ARL13B: variants seen among roughly 807,000 people sequenced by gnomAD.
The protein encoded by ARL13B is ADP-ribosylation factor-like protein 13B.
ARL13B carries 36 observed loss-of-function variants against 56.1 expected under a neutral mutation model. The observed-to-expected ratio is 0.64, with a 90% CI of 0.49 to 0.85. The LOEUF (loss-of-function observed/expected upper bound fraction) is 0.85. Ranked by LOEUF, ARL13B falls within the 40% of genes least tolerant of loss-of-function variation. The probability of loss-of-function intolerance (pLI) is 0.00; values close to 1 mark genes in which losing one functional copy is unlikely to be tolerated. For missense variants in ARL13B, 519 were observed against 507.1 expected, an observed-to-expected ratio of 1.02 and a Z score of -0.23; for synonymous variants, 178 against 171.1, an observed-to-expected ratio of 1.04 and a Z score of -0.32.
chr3:94,009,072 T>TA (rs1553834428), intron 3 of ARL13B, among the ~76,000 whole-genome samples: 2 of 100,488 alleles, frequency 2.0e-5, no homozygotes, highest in African/African-American at 3.8e-5. Flanking sequence ...CAAGGAGCAG[T>TA]AAAGATAGAT....
chr3:93,997,142 T>C (rs1335637231), intron 2 of ARL13B, among the ~76,000 whole-genome samples: 1 of 151,814 alleles, frequency 6.6e-6, no homozygotes, highest in East Asian at 1.9e-4. Flanking sequence ...TTATGGTGAG[T>C]TGTATAATTA....
At chr3:94,045,304 T>C (rs2076961956) in intron 7 of ARL13B, among the ~76,000 whole-genome samples, 1 of 151,972 alleles carries the variant, frequency 6.6e-6, no homozygotes, top group Non-Finnish European at 1.5e-5. Context: ...ACACAAACAC[T>C]GCGGAAGGCT....
chr3:93,991,280 T>C (rs1450578380), intron 1 of ARL13B, among the ~76,000 whole-genome samples: 1 of 152,212 alleles, frequency 6.6e-6, no homozygotes, highest in Admixed American at 6.5e-5. Context: ...CTAAAAGATA[T>C]TGGCAATCTT....
chr3:93,984,966 C>T (rs1710377422), intron 1 of ARL13B, among the ~76,000 whole-genome samples: 2 of 152,100 alleles, frequency 1.3e-5, no homozygotes, highest in African/African-American at 2.4e-5. Flanking sequence ...GCCCAGGTTG[C>T]CCCACTGCAG....
intron 1 of ARL13B, among the ~76,000 whole-genome samples, chr3:93,986,705 G>A (rs1326123162): frequency 6.6e-6 from 1 of 151,994 alleles, no homozygotes; most frequent in Non-Finnish European, 1.5e-5. Flanking sequence ...ATGATGGCTC[G>A]CACCTGTAAT....
At chr3:93,991,552 A>G (rs2107360192) in intron 1 of ARL13B, among the ~76,000 whole-genome samples, 1 of 152,206 alleles carries the variant, frequency 6.6e-6, no homozygotes, top group South Asian at 2.1e-4. Context: ...TTTTTTAAAA[A>G]AGTTGTTGTG....
chr3:94,011,282 A>G (rs1345851972), intron 3 of ARL13B, among the ~76,000 whole-genome samples: 1 of 152,136 alleles, frequency 6.6e-6, no homozygotes, highest in Non-Finnish European at 1.5e-5. Flanking sequence ...CTGTGCTAGC[A>G]CACAAATGCT....
rs1220528242 is a variant in ARL13B at position 93,980,450 on chromosome 3, C to A, written c.27C>A (p.Cys9Ter). The part of the protein sequence containing the change: MFSLMASC[C>*]GWFKRWREPV... ...TGTTCAGTCTGATGGCCAGTTGCTG[C>A]GGCTGGTTCAAGCGGTGGCGGGAGC... The change falls in exon 1 of 10, where the codon TGC becomes TGA. Residue 9 changes from cysteine (C) to a stop codon, truncating the protein, a stop_gained. Coordinates refer to ENST00000394222, the MANE Select transcript of ARL13B (RefSeq NM_001174150.2). LOFTEE classifies it high-confidence loss of function. 1 of 1,612,534 alleles carries A rather than the reference C, an allele frequency of 6.2e-7. No homozygotes were observed. The highest frequency in any genetic ancestry group is 1.7e-5 in the Admixed American group (1 of 60,036).
intron 8 of ARL13B, among the ~76,000 whole-genome samples, 183 bp from the exon 9 acceptor site, chr3:94,050,641 A>C (rs948775672): frequency 1.3e-5 from 2 of 152,232 alleles, no homozygotes; most frequent in Non-Finnish European, 2.9e-5. Flanking sequence ...TTAGCAGCCT[A>C]TAATTACATT....
chr3:93,980,315 A>G lies in ARL13B; in HGVS notation c.-109A>G. ...ACTTCCCTCCCGGCTTTTCCTCCCG[A>G]CTTATCCACTTTAGGGGCGTCTCGG... On this transcript the variant is annotated 5_prime_UTR_variant, in exon 1 of 10. Transcript: ENST00000394222. 3 of 1,440,998 alleles carry G rather than the reference A, an allele frequency of 2.1e-6. No homozygotes were observed. Among genetic ancestry groups the G allele is most frequent in the Non-Finnish European group, 2.9e-6 (3 of 1,036,190 alleles). 89.3% of individuals were successfully genotyped at this position (1,440,998 alleles called of 1,614,324 possible). A position where few individuals can be genotyped will look rare whatever the true frequency, so the allele number is the denominator to read the frequency against.
intron 3 of ARL13B, among the ~76,000 whole-genome samples, chr3:94,030,617 A>G (rs902472888): frequency 3.3e-5 from 5 of 152,152 alleles, no homozygotes; most frequent in African/African-American, 1.2e-4. Context: ...AAATGAACCT[A>G]GGTATATATC....
At chr3:94,011,076 A>G (rs903403781) in intron 3 of ARL13B, among the ~76,000 whole-genome samples, 6 of 152,114 alleles carry the variant, frequency 3.9e-5, no homozygotes, top group African/African-American at 1.4e-4. Context: ...GATGCTTGAT[A>G]ATTGACACCA....
intron 3 of ARL13B, among the ~76,000 whole-genome samples, chr3:94,018,033 T>C (rs546741625): frequency 6.6e-6 from 1 of 152,272 alleles, no homozygotes; most frequent in East Asian, 1.9e-4. Context: ...TGACATGATT[T>C]GTATATATTT....
intron 3 of ARL13B, among the ~76,000 whole-genome samples, chr3:94,031,682 TGAATA>T (rs2076679338): frequency 6.6e-6 from 1 of 152,138 alleles, no homozygotes; most frequent in Admixed American, 6.6e-5. Context: ...CCAAAAAGCC[TGAATA>T]GCCAAAGCAG....
intron 6 of ARL13B, among the ~76,000 whole-genome samples, chr3:94,041,508 A>G (rs2076861429): frequency 6.6e-6 from 1 of 152,192 alleles, no homozygotes. Flanking sequence ...ATTTCAAAGC[A>G]GGACAAGCAA....
In ARL13B at chr3:94,015,934, T is replaced by C. The variant is rs2076324931; in HGVS notation, c.380+12026T>C. Among the ~76,000 whole-genome samples, 5 of 152,270 alleles carry C rather than the reference T, an allele frequency of 3.3e-5. No homozygotes were observed. The South Asian group carries it at 8.3e-4, about 25-fold the overall frequency. ...TTCTTAGCATTCTTTTGCAAAGATA[T>C]CCAGACTGTCTTAGAACAAAATTTA... On this transcript the variant is annotated intron_variant, in intron 3 of 9. Coordinates refer to ENST00000394222, the MANE Select transcript of ARL13B (RefSeq NM_001174150.2).
At position 94,053,724 on chromosome 3, in the gene ARL13B, A is replaced by G; in HGVS notation, c.*461A>G. 1 of 306,256 alleles carries G rather than the reference A, an allele frequency of 3.3e-6. No individual in the cohort carries two copies. Among genetic ancestry groups the G allele is most frequent in the Non-Finnish European group, 6.3e-6 (1 of 157,718 alleles). 19.0% of individuals were successfully genotyped at this position (306,256 alleles called of 1,614,324 possible). ...TAAAACTATTTTTATATTTTTTTAA[A>G]TCTTTAAAAATTTTAATTACTGTGA... On this transcript the variant is annotated 3_prime_UTR_variant, in exon 10 of 10. Transcript: ENST00000394222.
At chr3:94,032,362 C>T (rs2076690757) in intron 3 of ARL13B, among the ~76,000 whole-genome samples, 1 of 152,208 alleles carries the variant, frequency 6.6e-6, no homozygotes, top group African/African-American at 2.4e-5. Context: ...CCATCTCACA[C>T]CAGTCAGAAT....
At position 93,980,437 on chromosome 3, in the gene ARL13B, T is replaced by A. The variant is rs2107299202; in HGVS notation, c.14T>A (p.Met5Lys). ...GAGCGACCCGGGATGTTCAGTCTGATGGCCAGTTGCTGCGGCTGGTTCAAG... is the reference window on the plus strand; with the variant it reads ...GAGCGACCCGGGATGTTCAGTCTGAAGGCCAGTTGCTGCGGCTGGTTCAAG... MFSL[M>K]ASCCGWFKRW... is the part of the protein sequence containing the mutation. Residue 5 changes from methionine to lysine, a missense_variant, in exon 1 of 10, where the codon ATG becomes AAG. By Grantham distance (95) the Met-to-Lys change is moderately conservative. Coordinates refer to ENST00000394222, the MANE Select transcript of ARL13B (RefSeq NM_001174150.2). The A allele has an allele frequency of 1.9e-6, 3 of 1,612,772 alleles. No homozygotes were observed. The highest frequency in any genetic ancestry group is 2.2e-5 in the East Asian group (1 of 44,854).
Sources: gnomAD v4.1 joint callset for allele counts (sites outside exome capture counted in the v4.1 genomes callset) on GRCh38, gnomAD v4.1.1 for gene constraint, MANE v1.5 for transcripts, NCBI Gene and HGNC (gene_info 2026-07-23, HGNC 2026-07-21) for gene names.